The following COL23A1 variants were observed in gnomAD, a reference collection of about 807,000 sequenced individuals.
COL23A1 encodes collagen alpha-1(XXIII) chain.
Under a neutral mutation model 99.3 loss-of-function variants are expected in COL23A1, and 97 were observed. That is an observed-to-expected ratio of 0.98 (90% confidence interval 0.83 to 1.16). The LOEUF is 1.16. COL23A1 is among the 50% of genes most tolerant of loss of function. The probability of loss-of-function intolerance (pLI) is 0.00; values close to 1 mark genes in which losing one functional copy is unlikely to be tolerated. For synonymous variants in COL23A1, 320 were observed against 308.2 expected (o/e 1.04, Z -0.40); for missense variants, 762 against 757.4 (o/e 1.01, Z -0.07).
intron 18 of COL23A1, 70 bp downstream of exon 18, chr5:178,249,971 GCACACATGCACACGCACACA>G (rs1764941528): frequency 6.9e-7 from 1 of 1,450,894 alleles, no homozygotes; most frequent in Admixed American, 1.7e-5. Context: ...CTAACTCTGT[GCACACATGCACACGCACACA>G]CACACACACA....
chr5:178,581,565 CAAAAAAAAA>C (rs200146446), intron 1 of COL23A1, among the ~76,000 whole-genome samples: 4,610 of 110,742 alleles, frequency 0.042, 262 homozygotes, highest in African/African-American at 0.14. Context: ...GATTCCGTCT[CAAAAAAAAA>C]AAAAAAAATT....
At position 178,500,424 on chromosome 5, in the gene COL23A1, C is replaced by CCAAAAA. The variant is rs1554184902; in HGVS notation, c.361+60257_361+60258insTTTTTG. Among the ~76,000 whole-genome samples, 21 of 65,684 alleles carry CCAAAAA rather than the reference C, an allele frequency of 3.2e-4. 1 individual carries two copies. The highest frequency in any genetic ancestry group is 1.9e-3 in the Admixed American group (9 of 4,632). 43.1% of individuals were successfully genotyped at this position (65,684 alleles called of 152,430 possible). A position where few individuals can be genotyped will look rare whatever the true frequency, so the allele number is the denominator to read the frequency against. ...GCAACAAAGCAAGACCCCATCTCTA[C>CCAAAAA]AAAAAAAAAAAAAAAAAAAAAATGG... On this transcript the variant is annotated intron_variant, in intron 2 of 28. Transcript: ENST00000390654.
chr5:178,474,636 T>G (rs2546642), intron 2 of COL23A1, among the ~76,000 whole-genome samples: 4,419 of 152,338 alleles, frequency 0.029, 207 homozygotes, highest in African/African-American at 0.094. Context: ...GAACACGTTT[T>G]TACTAAATAA....
chr5:178,262,525 G>T (rs1177886917), intron 9 of COL23A1, among the ~76,000 whole-genome samples: 3 of 152,050 alleles, frequency 2.0e-5, no homozygotes. Context: ...CATTTGACTG[G>T]GGGGGGACCC....
chr5:178,479,175 C>G (rs947430584), intron 2 of COL23A1, among the ~76,000 whole-genome samples: 1 of 152,248 alleles, frequency 6.6e-6, no homozygotes, highest in African/African-American at 2.4e-5. Context: ...CACCATCAGG[C>G]GCTTTATGTG....
At chr5:178,256,253 T>C in intron 15 of COL23A1, 100 bp downstream of exon 15, 1 of 753,912 alleles carries the variant, frequency 1.3e-6, no homozygotes. Context: ...TTCCTGTAGC[T>C]CCACTGCTCC....
intron 2 of COL23A1, among the ~76,000 whole-genome samples, chr5:178,328,215 C>T (rs1294577188): frequency 6.6e-6 from 1 of 152,226 alleles, no homozygotes; most frequent in African/African-American, 2.4e-5. Flanking sequence ...TCCACTCCCA[C>T]ACGTCCCCAC....
intron 2 of COL23A1, among the ~76,000 whole-genome samples, chr5:178,478,967 A>C (rs1386146730): frequency 1.3e-5 from 2 of 151,974 alleles, no homozygotes; most frequent in African/African-American, 4.8e-5. Context: ...TGAGAAGAGG[A>C]GCTACTCCTA....
At chr5:178,492,841 G>A (rs1241111141) in intron 2 of COL23A1, among the ~76,000 whole-genome samples, 1 of 152,182 alleles carries the variant, frequency 6.6e-6, no homozygotes, top group East Asian at 1.9e-4. Context: ...CAGCTCCATA[G>A]TTTCTAATCC....
At position 178,585,206 on chromosome 5, in the gene COL23A1, G is replaced by A. The variant is rs115167766; in HGVS notation, c.294+4698C>T. ...AAGGCCCAGTTATGAGAACTTAGGC[G>A]GGCCAGTGGATGACTGAACCCCCGC... On this transcript the variant is annotated intron_variant, in intron 1 of 28. Coordinates refer to ENST00000390654, the MANE Select transcript of COL23A1 (RefSeq NM_173465.4). Among the ~76,000 whole-genome samples, 1,267 of 152,274 alleles carry A rather than the reference G, an allele frequency of 8.3e-3. 14 individuals carry two copies. The highest frequency in any genetic ancestry group is 0.028 in the African/African-American group (1,147 of 41,562).
chr5:178,549,013 T>TAGAGC (rs1761864768), intron 2 of COL23A1, among the ~76,000 whole-genome samples: 1 of 152,106 alleles, frequency 6.6e-6, no homozygotes, highest in African/African-American at 2.4e-5. Flanking sequence ...TCTTTTTTTT[T>TAGAGC]GAGATGGAGT....
chr5:178,532,716 G>A (rs1379750844), intron 2 of COL23A1, among the ~76,000 whole-genome samples: 1 of 152,220 alleles, frequency 6.6e-6, no homozygotes, highest in Non-Finnish European at 1.5e-5. Context: ...GCATTTGGAG[G>A]CGGGGCTTTG....
chr5:178,584,798 T>C (rs1024688909), intron 1 of COL23A1, among the ~76,000 whole-genome samples: 2 of 152,192 alleles, frequency 1.3e-5, no homozygotes, highest in Non-Finnish European at 2.9e-5. Flanking sequence ...GCACTGTATG[T>C]GGTCTCTGGT....
At chr5:178,529,779 G>C (rs1415318912) in intron 2 of COL23A1, among the ~76,000 whole-genome samples, 1 of 152,140 alleles carries the variant, frequency 6.6e-6, no homozygotes, top group African/African-American at 2.4e-5. Context: ...CCTCAGGCCT[G>C]ATTTAAACTC....
intron 1 of COL23A1, among the ~76,000 whole-genome samples, chr5:178,563,213 T>TCCTGCAGGGACTGGACCTGCCACTC (rs1179809576): frequency 1.7e-4 from 26 of 152,230 alleles, no homozygotes; most frequent in African/African-American, 6.0e-4. Flanking sequence ...GCTTCCAGCT[T>TCCTGCAGGGACTGGACCTGCCACTC]CCTGCAGGGA....
At chr5:178,481,675 C>G (rs886776373) in intron 2 of COL23A1, among the ~76,000 whole-genome samples, 2 of 151,930 alleles carry the variant, frequency 1.3e-5, no homozygotes, top group African/African-American at 4.8e-5. Context: ...CACAAGATAC[C>G]ACTTCATACC....
chr5:178,484,589 C>A (rs185531023), intron 2 of COL23A1, among the ~76,000 whole-genome samples: 121 of 151,770 alleles, frequency 8.0e-4, no homozygotes, highest in African/African-American at 2.8e-3. Context: ...TTTAGGAGGC[C>A]GAGGTGGGCG....
chr5:178,552,831 AG>A (rs1428792341), intron 2 of COL23A1, among the ~76,000 whole-genome samples: 14 of 151,944 alleles, frequency 9.2e-5, no homozygotes, highest in African/African-American at 3.4e-4. Flanking sequence ...CTCCTGCCTC[AG>A]TCTCCTGAGT....
chr5:178,376,251 G>T (rs1763066511), intron 2 of COL23A1, among the ~76,000 whole-genome samples: 1 of 152,250 alleles, frequency 6.6e-6, no homozygotes, highest in African/African-American at 2.4e-5. Context: ...CATGCCATCG[G>T]ATCCGGGTTT....
Sources: allele counts gnomAD v4.1 joint callset (sites outside exome capture counted in the v4.1 genomes callset), GRCh38; gene constraint gnomAD v4.1.1; transcripts MANE v1.5; gene names NCBI Gene and HGNC (gene_info 2026-07-23, HGNC 2026-07-21).